The following VSTM5 variants were observed in gnomAD, a reference collection of about 807,000 sequenced individuals.
VSTM5 encodes V-set and transmembrane domain containing 5.
In VSTM5, 21 loss-of-function variants were observed where a neutral mutation model predicts 20.3. The ratio of observed to expected loss-of-function variants is 1.03; its 90% CI spans 0.73 to 1.49. The LOEUF (loss-of-function observed/expected upper bound fraction) is 1.49, where lower values mean the gene tolerates loss of function less well. Ranked by LOEUF, VSTM5 falls within the 40% of genes most tolerant of loss-of-function variation. The probability of loss-of-function intolerance (pLI) is 0.00; values close to 1 mark genes in which losing one functional copy is unlikely to be tolerated. For missense variants in VSTM5, 219 were observed against 250.0 expected (o/e 0.88, Z 0.84); for synonymous variants, 100 against 102.5 (o/e 0.98, Z 0.14).
At chr11:93,834,491 C>A (rs1944306969) in intron 1 of VSTM5, among the ~76,000 whole-genome samples, 1 of 151,932 alleles carries the variant, frequency 6.6e-6, no homozygotes, top group African/African-American at 2.4e-5. Flanking sequence ...AAACTTAAGC[C>A]CCTGGCCATG....
At position 93,820,464 on chromosome 11, in the gene VSTM5, G is replaced by C. The variant is rs985828478; in HGVS notation, c.*105C>G. ...AATCTCCCACTGTCCTGTTAGGAGCGGGCTGCAACAGGACCACACACAATG... is the reference window on the plus strand; with the variant it reads ...AATCTCCCACTGTCCTGTTAGGAGCCGGCTGCAACAGGACCACACACAATG... On this transcript the variant is annotated 3_prime_UTR_variant, in exon 4 of 4. Coordinates refer to ENST00000409977, the MANE Select transcript of VSTM5 (RefSeq NM_001144871.2). 10 of 1,202,126 alleles carry C rather than the reference G, an allele frequency of 8.3e-6. No individual in the cohort carries two copies. The highest frequency in any genetic ancestry group is 6.0e-5 in the African/African-American group (4 of 66,156). 74.5% of individuals were successfully genotyped at this position (1,202,126 alleles called of 1,614,324 possible).
At chr11:93,839,526 A>G (rs1565303365) in intron 1 of VSTM5, among the ~76,000 whole-genome samples, 1 of 152,200 alleles carries the variant, frequency 6.6e-6, no homozygotes, top group Non-Finnish European at 1.5e-5. Flanking sequence ...CCTGCTTTGC[A>G]TGGTTGTGAA....
intron 1 of VSTM5, among the ~76,000 whole-genome samples, chr11:93,847,372 G>A (rs1234476535): frequency 2.6e-5 from 4 of 152,048 alleles, no homozygotes; most frequent in African/African-American, 4.8e-5. Context: ...CATCCCATCC[G>A]CCCCCACCTT....
intron 1 of VSTM5, among the ~76,000 whole-genome samples, chr11:93,827,046 C>G (rs974075808): frequency 6.6e-6 from 1 of 152,142 alleles, no homozygotes; most frequent in Admixed American, 6.5e-5. Context: ...AGGAACAAAG[C>G]GGTTTCTCCT....
chr11:93,845,455 C>G (rs1446648463), intron 1 of VSTM5, among the ~76,000 whole-genome samples: 2 of 152,190 alleles, frequency 1.3e-5, no homozygotes, highest in African/African-American at 4.8e-5. Context: ...GTCCTGTGCT[C>G]CTTTTACTGT....
chr11:93,838,297 A>T (rs951701540), intron 1 of VSTM5, among the ~76,000 whole-genome samples: 8 of 151,800 alleles, frequency 5.3e-5, no homozygotes, highest in African/African-American at 1.9e-4. Flanking sequence ...ATGTGGTGAA[A>T]CTCCGTCTCT....
At chr11:93,831,215 G>C (rs1944281122) in intron 1 of VSTM5, among the ~76,000 whole-genome samples, 1 of 151,988 alleles carries the variant, frequency 6.6e-6, no homozygotes, top group Admixed American at 6.6e-5. Flanking sequence ...GTGCACTAGA[G>C]ACAGGGTTTC....
intron 1 of VSTM5, among the ~76,000 whole-genome samples, chr11:93,841,206 C>T (rs1230219546): frequency 1.3e-5 from 2 of 151,494 alleles, no homozygotes; most frequent in Non-Finnish European, 2.9e-5. Flanking sequence ...TAATTAGCCA[C>T]GGACCTAATC....
chr11:93,835,261 T>A (rs947134818), intron 1 of VSTM5, among the ~76,000 whole-genome samples: 11 of 146,312 alleles, frequency 7.5e-5, no homozygotes, highest in Admixed American at 2.1e-4. Context: ...CACGTCTCTT[T>A]AAAAAAAAAA....
intron 1 of VSTM5, among the ~76,000 whole-genome samples, chr11:93,842,975 C>T (rs1415309922): frequency 5.9e-5 from 9 of 152,028 alleles, no homozygotes; most frequent in African/African-American, 1.9e-4. Flanking sequence ...CCTGTAATCT[C>T]AGCTACTCAG....
At chr11:93,839,197 G>C (rs1944349773) in intron 1 of VSTM5, among the ~76,000 whole-genome samples, 1 of 152,252 alleles carries the variant, frequency 6.6e-6, no homozygotes, top group Non-Finnish European at 1.5e-5. Context: ...ACCCTGTGGT[G>C]GCCCCAAGAG....
At position 93,850,588 on chromosome 11, in the gene VSTM5, T is replaced by C. The variant is rs1944452125; in HGVS notation, c.-86A>G. Reference sequence around the variant, plus strand: ...ATGCAGCCTTCTCTCTTCCTCCGCCTCTGGCTGCCGCAGGTTCTTTAGGGC... The same window carrying C: ...ATGCAGCCTTCTCTCTTCCTCCGCCCCTGGCTGCCGCAGGTTCTTTAGGGC... On this transcript the variant is annotated 5_prime_UTR_variant, in exon 1 of 4. Transcript: ENST00000409977. 37 of 863,000 alleles carry C rather than the reference T, an allele frequency of 4.3e-5. No individual in the cohort carries two copies. The highest frequency in any genetic ancestry group is 5.7e-5 in the Non-Finnish European group (36 of 631,648). The allele number at this position is 863,000 out of a possible 1,614,324, so 53.5% of individuals were successfully genotyped here.
chr11:93,845,269 C>A (rs1393057495), intron 1 of VSTM5, among the ~76,000 whole-genome samples: 1 of 152,190 alleles, frequency 6.6e-6, no homozygotes, highest in African/African-American at 2.4e-5. Flanking sequence ...GATGACCCCA[C>A]ATATGGGGCT....
chr11:93,846,577 A>G (rs1395335292), intron 1 of VSTM5, among the ~76,000 whole-genome samples: 1 of 139,120 alleles, frequency 7.2e-6, no homozygotes, highest in Non-Finnish European at 1.5e-5. Flanking sequence ...CTAAAAGCTG[A>G]AAGCTTAATT....
chr11:93,845,713 G>A (rs146531905), intron 1 of VSTM5, among the ~76,000 whole-genome samples: 31 of 152,232 alleles, frequency 2.0e-4, no homozygotes, highest in African/African-American at 7.2e-4. Context: ...TCTCTGAGTG[G>A]GGCAGTGGCT....
At position 93,834,782 on chromosome 11, in the gene VSTM5, CAA is replaced by C. The variant is rs59156403; in HGVS notation, c.92-13461_92-13460del. On this transcript the variant is annotated intron_variant, in intron 1 of 3. Coordinates refer to ENST00000409977, the MANE Select transcript of VSTM5 (RefSeq NM_001144871.2). Reference sequence around the variant, plus strand: ...TGGGCGACAGAGTGAGACTCCGTCTCAAAAAAAAAAAAAAAAAAAAATTTAAA... The same window carrying C: ...TGGGCGACAGAGTGAGACTCCGTCTCAAAAAAAAAAAAAAAAAAATTTAAA... Among the ~76,000 whole-genome samples the C allele has an allele frequency of 3.7e-4, 22 of 59,542 alleles. No individual in the cohort carries two copies. In the South Asian group the frequency reaches 6.1e-3, roughly 17 times the overall value. The allele number at this position is 59,542 out of a possible 152,430, so 39.1% of individuals were successfully genotyped here.
At chr11:93,840,472 C>T (rs182821416) in intron 1 of VSTM5, among the ~76,000 whole-genome samples, 23 of 152,320 alleles carry the variant, frequency 1.5e-4, no homozygotes, top group African/African-American at 4.1e-4. Flanking sequence ...GCAGGCACAA[C>T]GCCTGAAGCC....
In VSTM5 at chr11:93,820,813, T is replaced by A. The variant is rs1365310564; in HGVS notation, c.489A>T (p.Leu163Phe). The A allele has an allele frequency of 6.4e-7, 1 of 1,551,254 alleles. No homozygotes were observed. Among genetic ancestry groups the A allele is most frequent in the East Asian group, 2.4e-5 (1 of 40,920 alleles). The part of the protein sequence containing the change: ...LAFLAAVAAV[L>F]ISLMWVCNKC... Reference sequence around the variant, plus strand: ...TATTACAAACCCACATGAGGCTGATTAATACTGCGGCCACAGCAGCGAGAA... The same window carrying A: ...TATTACAAACCCACATGAGGCTGATAAATACTGCGGCCACAGCAGCGAGAA... The change falls in exon 3 of 4, where the codon TTA (leucine) becomes TTT (phenylalanine). Residue 163 changes from leucine to phenylalanine, a missense_variant. Leu to Phe is a conservative substitution (Grantham distance 22). Transcript: ENST00000409977.
chr11:93,840,517 T>G (rs1452976033), intron 1 of VSTM5, among the ~76,000 whole-genome samples: 1 of 152,184 alleles, frequency 6.6e-6, no homozygotes, highest in Admixed American at 6.5e-5. Flanking sequence ...TTGGAGACAC[T>G]AGGGACAGCT....
Sources: gnomAD v4.1 joint callset for allele counts (sites outside exome capture counted in the v4.1 genomes callset) on GRCh38, gnomAD v4.1.1 for gene constraint, MANE v1.5 for transcripts, NCBI Gene and HGNC (gene_info 2026-07-23, HGNC 2026-07-21) for gene names.